EXOC4: variants seen among roughly 807,000 people sequenced by gnomAD.
The protein encoded by EXOC4 is SEC8-like 1.
A neutral mutation model predicts 107.2 loss-of-function variants in EXOC4; 71 were observed. The ratio of observed to expected loss-of-function variants is 0.66; its 90% CI spans 0.55 to 0.81. The LOEUF (loss-of-function observed/expected upper bound fraction) is 0.81, where lower values mean the gene tolerates loss of function less well. Ranked by LOEUF, EXOC4 falls within the 30% of genes least tolerant of loss-of-function variation. EXOC4 has a pLI of 0.00. For missense variants in EXOC4, 1,108 were observed against 1,189.6 expected, an observed-to-expected ratio of 0.93 and a Z score of 1.01; for synonymous variants, 456 against 441.2, an observed-to-expected ratio of 1.03 and a Z score of -0.42.
At chr7:133,538,503 C>A (rs1800316274) in intron 9 of EXOC4, among the ~76,000 whole-genome samples, 1 of 152,004 alleles carries the variant, frequency 6.6e-6, no homozygotes, top group Non-Finnish European at 1.5e-5. Context: ...TCTTCAGGGA[C>A]ACATAATACA....
At chr7:134,090,053 A>G in the EXOC4 span, among the ~76,000 whole-genome samples, 1 of 152,226 alleles carries the variant, frequency 6.6e-6, no homozygotes, top group African/African-American at 2.4e-5. Flanking sequence ...CCCAAAGATT[A>G]CTAAAGTCAC....
At chr7:133,704,280 GT>G (rs749975347) in intron 10 of EXOC4, among the ~76,000 whole-genome samples, 106 of 152,218 alleles carry the variant, frequency 7.0e-4, no homozygotes, top group Non-Finnish European at 1.3e-3. Context: ...TTTATGCAGT[GT>G]TTTTGTATTT....
At chr7:133,285,568 C>T (rs1794256044) in intron 2 of EXOC4, among the ~76,000 whole-genome samples, 1 of 152,074 alleles carries the variant, frequency 6.6e-6, no homozygotes, top group Non-Finnish European at 1.5e-5. Context: ...TGTATAGGTC[C>T]TGTTTTTTCC....
Position 133,464,811 on chromosome 7 carries a change from GTTTTTTTTTT to G in EXOC4, c.1183-10501_1183-10492del, listed in dbSNP as rs3046149. Among the ~76,000 whole-genome samples the G allele has an allele frequency of 1.2e-4, 6 of 51,298 alleles. 1 individual carries two copies. Among genetic ancestry groups the G allele is most frequent in the African/African-American group, 5.0e-4 (6 of 12,034 alleles). The allele number at this position is 51,298 out of a possible 152,430, so 33.7% of individuals were successfully genotyped here. A position where few individuals can be genotyped will look rare whatever the true frequency, so the allele number is the denominator to read the frequency against. ...TTTTTTTTTTTTGTTGGTTGGGTTG[GTTTTTTTTTT>G]TTTTTTTTTTTTTTTGGAGTTAGGG... On this transcript the variant is annotated intron_variant, in intron 7 of 17. Coordinates refer to ENST00000253861, the MANE Select transcript of EXOC4 (RefSeq NM_021807.4).
At chr7:133,382,480 T>G (rs956618256) in intron 7 of EXOC4, among the ~76,000 whole-genome samples, 1 of 152,052 alleles carries the variant, frequency 6.6e-6, no homozygotes, top group Non-Finnish European at 1.5e-5. Context: ...GGATGAAGAT[T>G]TTTGGTTAAG....
intron 7 of EXOC4, among the ~76,000 whole-genome samples, chr7:133,379,098 C>T (rs575527778): frequency 2.7e-4 from 41 of 152,196 alleles, no homozygotes; most frequent in Non-Finnish European, 4.9e-4. Flanking sequence ...TTCAGCTGTT[C>T]TTAACGTTTT....
intron 3 of EXOC4, 33 bp from the exon 4 acceptor site, chr7:133,305,844 A>T (rs373507717): frequency 1.3e-6 from 2 of 1,538,526 alleles, no homozygotes; most frequent in East Asian, 4.6e-5. Flanking sequence ...ATTAAGTTGT[A>T]CTTAATTGTC....
chr7:133,882,449 A>G (rs2116453641), intron 11 of EXOC4, among the ~76,000 whole-genome samples: 1 of 152,342 alleles, frequency 6.6e-6, no homozygotes, highest in Admixed American at 6.5e-5. Context: ...AGTACCTGTT[A>G]TGTTCCAGGT....
chr7:134,067,149 CAAAAAAAAAAAAAA>C (rs10597442), downstream of EXOC4, among the ~76,000 whole-genome samples: 4 of 121,956 alleles, frequency 3.3e-5, no homozygotes, highest in East Asian at 2.3e-4. Flanking sequence ...CACTCTGTCT[CAAAAAAAAAAAAAA>C]AAAAAAAAAA....
intron 10 of EXOC4, among the ~76,000 whole-genome samples, chr7:133,728,361 T>C (rs1344123930): frequency 1.3e-5 from 2 of 152,332 alleles, no homozygotes; most frequent in Non-Finnish European, 2.9e-5. Context: ...GAAATTTTTA[T>C]TGAGACTTTG....
intron 12 of EXOC4, among the ~76,000 whole-genome samples, 159 bp downstream of exon 12, chr7:133,895,894 G>T (rs1264613326): frequency 6.6e-6 from 1 of 152,178 alleles, no homozygotes; most frequent in Admixed American, 6.5e-5. Flanking sequence ...AGACCTTTGT[G>T]TAGTCAGACC....
At chr7:133,402,881 A>ATTTTT (rs956173651) in intron 7 of EXOC4, among the ~76,000 whole-genome samples, 1 of 114,930 alleles carries the variant, frequency 8.7e-6, no homozygotes, top group Non-Finnish European at 1.8e-5. Flanking sequence ...AGAGCCTAAT[A>ATTTTT]TTTTTTTTTT....
intron 7 of EXOC4, among the ~76,000 whole-genome samples, chr7:133,424,093 A>C (rs1376437189): frequency 6.6e-6 from 1 of 152,060 alleles, no homozygotes; most frequent in African/African-American, 2.4e-5. Context: ...TGTAAAATGG[A>C]CCAATCAGTA....
chr7:133,712,739 A>T (rs894696316), intron 10 of EXOC4, among the ~76,000 whole-genome samples: 1 of 152,326 alleles, frequency 6.6e-6, no homozygotes, highest in African/African-American at 2.4e-5. Context: ...AAACAAATTA[A>T]TGGTATATCC....
chr7:133,359,290 G>A (rs762271663), intron 6 of EXOC4, among the ~76,000 whole-genome samples: 4 of 152,136 alleles, frequency 2.6e-5, no homozygotes, highest in Non-Finnish European at 5.9e-5. Context: ...AAAATGATCA[G>A]CATTGTTGCT....
At chr7:133,837,498 T>C (rs1035491888) in intron 11 of EXOC4, among the ~76,000 whole-genome samples, 16 of 152,226 alleles carry the variant, frequency 1.1e-4, no homozygotes, top group East Asian at 5.8e-4. Flanking sequence ...TTTTGTCATC[T>C]GTGATTTCAG....
chr7:133,340,526 T>G (rs1355423601), intron 5 of EXOC4, among the ~76,000 whole-genome samples: 1 of 151,646 alleles, frequency 6.6e-6, no homozygotes, highest in Non-Finnish European at 1.5e-5. Flanking sequence ...GGTAATAGGG[T>G]GATACTGGCT....
chr7:133,574,322 C>T (rs1801084107), intron 9 of EXOC4, among the ~76,000 whole-genome samples: 4 of 151,926 alleles, frequency 2.6e-5, no homozygotes, highest in Admixed American at 2.6e-4. Context: ...TACACATACA[C>T]CAAAATGCAC....
chr7:133,379,551 A>G (rs986012604), intron 7 of EXOC4, among the ~76,000 whole-genome samples: 2 of 152,286 alleles, frequency 1.3e-5, no homozygotes, highest in Admixed American at 6.5e-5. Flanking sequence ...TTATACTACT[A>G]TGACATTTAG....
Sources: gnomAD v4.1 joint callset for allele counts (sites outside exome capture counted in the v4.1 genomes callset) on GRCh38, gnomAD v4.1.1 for gene constraint, MANE v1.5 for transcripts, NCBI Gene and HGNC (gene_info 2026-07-23, HGNC 2026-07-21) for gene names.